Variants in EEA1 observed in about 807,000 individuals in gnomAD.
The protein encoded by EEA1 is early endosome antigen 1, also known as early endosome antigen 1, 162kD.
In EEA1, 111 loss-of-function variants were observed where a neutral mutation model predicts 209.2. The observed-to-expected ratio is 0.53, with a 90% CI of 0.45 to 0.62. The LOEUF is 0.62. EEA1 is among the 20% of genes least tolerant of loss of function. The pLI is 0.00. For synonymous variants in EEA1, 536 were observed against 540.6 expected (o/e 0.99, Z 0.12); for missense variants, 1,343 against 1,530.8 (o/e 0.88, Z 2.05).
At chr12:92,863,444 A>G (rs774994355) in intron 3 of EEA1, among the ~76,000 whole-genome samples, 8 of 152,204 alleles carry the variant, frequency 5.3e-5, no homozygotes, top group Non-Finnish European at 1.0e-4. Flanking sequence ...AGCCACATAA[A>G]GAGGCCCACA....
intron 1 of EEA1, among the ~76,000 whole-genome samples, chr12:92,918,612 T>C (rs1214894864): frequency 2.6e-4 from 28 of 109,118 alleles, no homozygotes; most frequent in Non-Finnish European, 4.2e-4. Flanking sequence ...AGAGGGAAAT[T>C]TATAGCACTA....
intron 11 of EEA1, among the ~76,000 whole-genome samples, chr12:92,832,135 T>C (rs1876681265): frequency 6.6e-6 from 1 of 152,070 alleles, no homozygotes; most frequent in South Asian, 2.1e-4. Flanking sequence ...ATGCTATTTG[T>C]TTTATAATAA....
At chr12:92,801,286 T>A (rs1216618146) in intron 20 of EEA1, among the ~76,000 whole-genome samples, 1 of 152,176 alleles carries the variant, frequency 6.6e-6, no homozygotes, top group East Asian at 1.9e-4. Flanking sequence ...ACCCTGTAGT[T>A]AGCTGACTCA....
At chr12:92,914,235 A>G (rs886196478) in intron 1 of EEA1, among the ~76,000 whole-genome samples, 4 of 151,770 alleles carry the variant, frequency 2.6e-5, no homozygotes, top group African/African-American at 7.3e-5. Context: ...CTCAGATCCC[A>G]GGCCCATAAT....
chr12:92,810,297 A>G (rs1875425989), intron 17 of EEA1, among the ~76,000 whole-genome samples: 1 of 152,184 alleles, frequency 6.6e-6, no homozygotes, highest in Admixed American at 6.5e-5. Flanking sequence ...TGATAATTAC[A>G]AAGTGTTAGA....
chr12:92,893,612 C>T (rs889714530), intron 1 of EEA1, among the ~76,000 whole-genome samples: 3 of 151,982 alleles, frequency 2.0e-5, no homozygotes, highest in African/African-American at 7.2e-5. Context: ...GAAAAATATA[C>T]ACAGTATGAT....
chr12:92,880,863 A>G (rs898655537), intron 2 of EEA1, among the ~76,000 whole-genome samples: 1 of 152,202 alleles, frequency 6.6e-6, no homozygotes, highest in Non-Finnish European at 1.5e-5. Flanking sequence ...GCTAAAATTC[A>G]TGGACATTAC....
intron 3 of EEA1, among the ~76,000 whole-genome samples, chr12:92,862,605 A>G (rs547611871): frequency 6.6e-6 from 1 of 152,244 alleles, no homozygotes; most frequent in South Asian, 2.1e-4. Context: ...AAGAAAAAAG[A>G]ATATTATTCT....
chr12:92,877,285 GT>G (rs1878951167), intron 2 of EEA1, among the ~76,000 whole-genome samples: 1 of 151,802 alleles, frequency 6.6e-6, no homozygotes, highest in African/African-American at 2.4e-5. Context: ...CCTAACCTGG[GT>G]TTTAACCAGG....
intron 2 of EEA1, among the ~76,000 whole-genome samples, chr12:92,885,385 T>C (rs974436870): frequency 2.0e-5 from 3 of 152,098 alleles, no homozygotes; most frequent in African/African-American, 4.8e-5. Context: ...TTGTCCAAAG[T>C]AGGAAGCCAA....
At chr12:92,785,873 T>C (rs1874109476) in intron 22 of EEA1, among the ~76,000 whole-genome samples, 2 of 152,192 alleles carry the variant, frequency 1.3e-5, no homozygotes, top group South Asian at 4.1e-4. Context: ...CATATTTACA[T>C]TTGAGTTATT....
In EEA1 at chr12:92,834,438, G is replaced by T. The variant is rs575362517; in HGVS notation, c.916-1588C>A. 4.0e-5 allele frequency among the ~76,000 whole-genome samples: 6 copies of T among 150,882 alleles called. No individual in the cohort carries two copies. In the Admixed American group the frequency reaches 4.0e-4, roughly 10 times the overall value. ...TATGCACCTATAGACCTAGCTACCC[G>T]AGAGGCTAAAGCAGGAGGCATGCTT... On this transcript the variant is annotated intron_variant, in intron 10 of 28. Coordinates refer to ENST00000322349, the MANE Select transcript of EEA1 (RefSeq NM_003566.4).
intron 2 of EEA1, among the ~76,000 whole-genome samples, chr12:92,881,469 C>T (rs1250632377): frequency 6.6e-6 from 1 of 151,698 alleles, no homozygotes; most frequent in Non-Finnish European, 1.5e-5. Flanking sequence ...GAAAGAAAGG[C>T]GATGCAGTAC....
chr12:92,929,179 A>T lies in EEA1; in HGVS notation c.-113T>A. On this transcript the variant is annotated 5_prime_UTR_variant, in exon 1 of 29. Coordinates refer to ENST00000322349, the MANE Select transcript of EEA1 (RefSeq NM_003566.4). Reference sequence around the variant, plus strand: ...CTGGGCCGGGAGGGGACCGGGAAGGAGGTCGGGGCGAGGCGGTGGCGACGG... The same window carrying T: ...CTGGGCCGGGAGGGGACCGGGAAGGTGGTCGGGGCGAGGCGGTGGCGACGG... The T allele has an allele frequency of 9.2e-7, 1 of 1,092,074 alleles. No homozygotes were observed. Among genetic ancestry groups the T allele is most frequent in the South Asian group, 1.5e-5 (1 of 67,582 alleles). The allele number at this position is 1,092,074 out of a possible 1,614,324, so 67.6% of individuals were successfully genotyped here. A position where few individuals can be genotyped will look rare whatever the true frequency, so the allele number is the denominator to read the frequency against.
In EEA1 at chr12:92,775,979, G is replaced by T. The variant is rs1188355041; in HGVS notation, c.*32C>A. On this transcript the variant is annotated 3_prime_UTR_variant, in exon 29 of 29. Transcript: ENST00000322349. The stretch of plus-strand genomic sequence containing the variant: ...TACATTTATTAAAAATCTAATGTTA[G>T]TGTAATATTACTCTGAAGTTGTGAT... The T allele has an allele frequency of 1.2e-6, 2 of 1,601,522 alleles. No homozygotes were observed. The highest frequency in any genetic ancestry group is 4.5e-5 in the East Asian group (2 of 44,508).
At chr12:92,859,912 G>T (rs1216811650) in intron 3 of EEA1, among the ~76,000 whole-genome samples, 11 of 152,136 alleles carry the variant, frequency 7.2e-5, no homozygotes, top group East Asian at 1.9e-4. Flanking sequence ...GTCAGGGTGT[G>T]TTCCCTATCT....
rs780518862 is a variant in EEA1 at position 92,819,338 on chromosome 12, T to C, written c.1698A>G (p.Leu566=). 17 of 1,611,246 alleles carry C rather than the reference T, an allele frequency of 1.1e-5. No homozygotes were observed. Among genetic ancestry groups the C allele is most frequent in the Non-Finnish European group, 1.4e-5 (17 of 1,178,992 alleles). ...CCTGTAGTGTATGGTTTTTTTCTTG[T>C]AACTGGTTAAGAACAGCAGTCTCTC... ...GEGETAVLNQ[L]QEKNHTLQEQ... is the part of the protein sequence containing the mutation. Residue 566 remains leucine, a synonymous_variant, in exon 14 of 29, where the codon TTA becomes TTG. Transcript: ENST00000322349.
At chr12:92,928,471 G>A (rs1291435043) in intron 1 of EEA1, among the ~76,000 whole-genome samples, 1 of 152,118 alleles carries the variant, frequency 6.6e-6, no homozygotes, top group East Asian at 1.9e-4. Context: ...CTTCCTTCTC[G>A]GCTGACTGTG....
chr12:92,807,336 T>C (rs1332634058), intron 18 of EEA1, among the ~76,000 whole-genome samples: 1 of 152,066 alleles, frequency 6.6e-6, no homozygotes, highest in Admixed American at 6.6e-5. Flanking sequence ...ACAGCTAACC[T>C]CAAACTTAAT....
Sources: gnomAD v4.1 joint callset for allele counts (sites outside exome capture counted in the v4.1 genomes callset) on GRCh38, gnomAD v4.1.1 for gene constraint, MANE v1.5 for transcripts, NCBI Gene and HGNC (gene_info 2026-07-23, HGNC 2026-07-21) for gene names.